R3HDM1: variants seen among roughly 807,000 people sequenced by gnomAD.
R3HDM1 encodes the protein R3H domain-containing protein 1.
Under a neutral mutation model 141.1 loss-of-function variants are expected in R3HDM1, and 46 were observed. The ratio of observed to expected loss-of-function variants is 0.33; its 90% CI spans 0.26 to 0.42. The LOEUF (loss-of-function observed/expected upper bound fraction) is 0.42. Among genes scored for constraint, R3HDM1 ranks in the 10% least tolerant of loss-of-function variants. R3HDM1 has a pLI of 1.00. For missense variants in R3HDM1, 1,184 were observed against 1,368.3 expected, an observed-to-expected ratio of 0.87 and a Z score of 2.12; for synonymous variants, 435 against 472.9, an observed-to-expected ratio of 0.92 and a Z score of 1.04.
At chr2:135,600,459 G>A (rs2059537583) in intron 1 of R3HDM1, among the ~76,000 whole-genome samples, 1 of 152,200 alleles carries the variant, frequency 6.6e-6, no homozygotes, top group Admixed American at 6.5e-5. Context: ...GGCCTGCCCT[G>A]GGAGAGAGGC....
chr2:135,607,401 A>G (rs191321323), intron 3 of R3HDM1: 71 of 921,870 alleles, frequency 7.7e-5, no homozygotes, highest in Admixed American at 3.1e-4. Context: ...TCCAGCTATA[A>G]AAAAAGCATT....
chr2:135,669,664 T>A (rs893654667), intron 19 of R3HDM1: 53 of 794,638 alleles, frequency 6.7e-5, no homozygotes, highest in Non-Finnish European at 7.8e-5. Context: ...ACACATTTGA[T>A]AGCTGTTGAT....
At chr2:135,675,074 T>A (rs2068953493) in intron 19 of R3HDM1, among the ~76,000 whole-genome samples, 1 of 152,168 alleles carries the variant, frequency 6.6e-6, no homozygotes, top group Non-Finnish European at 1.5e-5. Context: ...TTGTCCTATG[T>A]TATCTAAGTG....
rs1456313472 is a variant in R3HDM1, at chr2:135,638,964, A to G, written c.1061A>G (p.Tyr354Cys). The change falls in exon 14 of 27, where the codon TAC becomes TGC. Residue 354 changes from tyrosine to cysteine, a missense_variant. By Grantham distance (194) the Tyr-to-Cys change is radical (BLOSUM62 -2). This residue lies in a region of R3HDM1 where 240 missense variants were observed against 312.3 expected (regional missense o/e 0.77). Transcript: ENST00000683871. ...AGCAGCACTGAGAATGAGTTGAAGT[A>G]CTCGGAACCACGACCCTGGAGCAGC... ...HQSSTENELK[Y>C]SEPRPWSSTD... The G allele has an allele frequency of 5.0e-6, 8 of 1,614,086 alleles. No homozygotes were observed. Among genetic ancestry groups the G allele is most frequent in the Non-Finnish European group, 6.8e-6 (8 of 1,180,046 alleles).
At chr2:135,670,818 G>C (rs989727082) in intron 19 of R3HDM1, among the ~76,000 whole-genome samples, 1 of 152,018 alleles carries the variant, frequency 6.6e-6, no homozygotes. Flanking sequence ...AGCACTTTGG[G>C]AGGCCAACAG....
At chr2:135,639,222 T>C (rs2063547095) in intron 14 of R3HDM1, 100 bp downstream of exon 14, 2 of 1,165,780 alleles carry the variant, frequency 1.7e-6, no homozygotes, top group African/African-American at 3.1e-5. Context: ...TCCTAAAATA[T>C]AAAATCACTA....
At chr2:135,577,107 C>T in intron 1 of R3HDM1, 1 of 958,326 alleles carries the variant, frequency 1.0e-6, no homozygotes, top group Non-Finnish European at 1.2e-6. Context: ...AAAAAAAGAC[C>T]ATATAAGAAA....
intron 3 of R3HDM1, chr2:135,606,624 A>C (rs1214333268): frequency 6.6e-6 from 1 of 151,626 alleles, no homozygotes; most frequent in Non-Finnish European, 1.5e-5. Flanking sequence ...TTAGCCAGGC[A>C]TGGTTGCGCG....
intron 18 of R3HDM1, among the ~76,000 whole-genome samples, chr2:135,653,082 ATGG>A (rs2065332637): frequency 6.6e-6 from 1 of 151,312 alleles, no homozygotes; most frequent in Non-Finnish European, 1.5e-5. Flanking sequence ...CGGGCCAAAC[ATGG>A]TGGCTTACAC....
chr2:135,682,400 A>G (rs2070473688), intron 21 of R3HDM1, among the ~76,000 whole-genome samples: 2 of 152,182 alleles, frequency 1.3e-5, no homozygotes, highest in Non-Finnish European at 2.9e-5. Context: ...GAAACAAAAA[A>G]GATTTTGTGT....
chr2:135,672,414 T>C (rs2068524195), intron 19 of R3HDM1, among the ~76,000 whole-genome samples: 1 of 152,246 alleles, frequency 6.6e-6, no homozygotes, highest in Non-Finnish European at 1.5e-5. Context: ...GTCTTACTTT[T>C]TCCAAACCTT....
chr2:135,548,968 A>G (rs1249490499), intron 1 of R3HDM1, among the ~76,000 whole-genome samples: 1 of 152,222 alleles, frequency 6.6e-6, no homozygotes, highest in Non-Finnish European at 1.5e-5. Flanking sequence ...AATTCAGTCA[A>G]TTTAATACTG....
intron 23 of R3HDM1, among the ~76,000 whole-genome samples, chr2:135,714,097 T>C (rs2075936330): frequency 6.6e-6 from 1 of 151,980 alleles, no homozygotes. Context: ...ATAATTTTTT[T>C]TTAAAGTATC....
intron 18 of R3HDM1, among the ~76,000 whole-genome samples, chr2:135,659,065 G>C (rs1209653527): frequency 6.8e-6 from 1 of 147,586 alleles, no homozygotes; most frequent in Admixed American, 6.9e-5. Context: ...GTGTGTGTGT[G>C]TGTGTGTGTG....
At chr2:135,645,581 G>A (rs2064307387) in intron 16 of R3HDM1, 54 bp downstream of exon 16, 3 of 1,558,770 alleles carry the variant, frequency 1.9e-6, no homozygotes, top group Non-Finnish European at 2.6e-6. Flanking sequence ...TACATATTTG[G>A]GACTAAATTC....
intron 21 of R3HDM1, among the ~76,000 whole-genome samples, chr2:135,706,630 C>T (rs2074962463): frequency 6.6e-6 from 1 of 152,064 alleles, no homozygotes; most frequent in African/African-American, 2.4e-5. Flanking sequence ...ACATCTTGCA[C>T]CGCCCTTAAT....
At chr2:135,605,099 A>C in intron 3 of R3HDM1, 83 bp downstream of exon 3, 3 of 1,228,776 alleles carry the variant, frequency 2.4e-6, no homozygotes, top group Non-Finnish European at 3.4e-6. Flanking sequence ...CTCACTTCTC[A>C]AAATTCTAAA....
Position 135,710,091 on chromosome 2 carries a change from GTGA to G in R3HDM1, c.2602_2604del (p.Met868del), listed in dbSNP as rs767840342. 6.8e-6 allele frequency: 11 copies of G among 1,613,880 alleles called. No individual in the cohort carries two copies. In the African/African-American group the frequency reaches 1.5e-4, roughly 22 times the overall value. ...ACCACCGCCACCTGGTGGGGGGATG[GTGA>G]TGATGCAGCTCAGTGTACCAAACAA... On this transcript the variant is annotated inframe_deletion, in exon 23 of 27. Transcript: ENST00000683871.
chr2:135,594,290 T>C (rs1710050262), intron 1 of R3HDM1, among the ~76,000 whole-genome samples: 1 of 152,242 alleles, frequency 6.6e-6, no homozygotes, highest in African/African-American at 2.4e-5. Flanking sequence ...TTTGGCATTT[T>C]AAATTACGTT....
Sources: gnomAD v4.1 joint callset for allele counts (sites outside exome capture counted in the v4.1 genomes callset) on GRCh38, gnomAD v4.1.1 for gene constraint, gnomAD v4.1.1 regional missense constraint, MANE v1.5 for transcripts, NCBI Gene and HGNC (gene_info 2026-07-23, HGNC 2026-07-21) for gene names.